Variants in LRP11 observed in about 807,000 individuals in gnomAD.
LRP11 encodes the protein LDL receptor related protein 11.
LRP11 carries 25 observed loss-of-function variants against 43.1 expected under a neutral mutation model. That is an observed-to-expected ratio of 0.58 (90% confidence interval 0.42 to 0.81). LRP11 has a LOEUF of 0.81. Ranked by LOEUF, LRP11 falls within the 30% of genes least tolerant of loss-of-function variation. The pLI, the probability that LRP11 is intolerant of heterozygous loss-of-function variation, is 0.00. For synonymous variants in LRP11, 316 were observed against 299.4 expected, an observed-to-expected ratio of 1.06 and a Z score of -0.57; for missense variants, 623 against 665.1, an observed-to-expected ratio of 0.94 and a Z score of 0.70.
intron 6 of LRP11, among the ~76,000 whole-genome samples, chr6:149,820,914 G>T (rs1776270040): frequency 6.7e-6 from 1 of 149,944 alleles, no homozygotes; most frequent in South Asian, 2.1e-4. Context: ...GTAGGTTCAG[G>T]TCCCAAACCT....
chr6:149,853,763 C>T (rs1425908803), intron 1 of LRP11, among the ~76,000 whole-genome samples: 1 of 152,170 alleles, frequency 6.6e-6, no homozygotes. Context: ...CCATCTGCCT[C>T]GGCCTCTCAA....
chr6:149,829,469 G>A (rs1022369205), intron 5 of LRP11, among the ~76,000 whole-genome samples: 12 of 152,068 alleles, frequency 7.9e-5, no homozygotes, highest in Non-Finnish European at 1.6e-4. Context: ...GCTGAGGCAG[G>A]TGAATCGCTT....
chr6:149,851,049 A>G (rs984955526), intron 2 of LRP11, among the ~76,000 whole-genome samples: 2 of 152,214 alleles, frequency 1.3e-5, no homozygotes, highest in African/African-American at 4.8e-5. Context: ...TCATGAATGT[A>G]TATCATTCTA....
At chr6:149,854,681 T>C (rs751487029) in intron 1 of LRP11, among the ~76,000 whole-genome samples, 34 of 152,228 alleles carry the variant, frequency 2.2e-4, no homozygotes, top group Non-Finnish European at 4.6e-4. Flanking sequence ...CACTTCCCCA[T>C]TCCTTCAGTG....
In LRP11 at chr6:149,843,283, G is replaced by C. The variant is rs533436613; in HGVS notation, c.772-159C>G. Among the ~76,000 whole-genome samples the C allele has an allele frequency of 2.6e-5, 4 of 152,310 alleles. No homozygotes were observed. The East Asian group carries it at 7.7e-4, about 29-fold the overall frequency. On this transcript the variant is annotated intron_variant, in intron 2 of 6. Transcript: ENST00000239367. The stretch of plus-strand genomic sequence containing the variant: ...ACTACATCACACACTGTTGGCAGCT[G>C]GCCCACCTTGAACTCATAAGTTCTA...
At chr6:149,820,928 CTT>C (rs11399122) in intron 6 of LRP11, among the ~76,000 whole-genome samples, 15 of 116,450 alleles carry the variant, frequency 1.3e-4, no homozygotes, top group Admixed American at 2.6e-4. Flanking sequence ...CAAACCTAGA[CTT>C]TTTTTTTTTT....
At chr6:149,863,362 G>A in intron 1 of LRP11, 46 bp downstream of exon 1, 7 of 1,308,676 alleles carry the variant, frequency 5.3e-6, no homozygotes, top group Non-Finnish European at 6.8e-6. Flanking sequence ...GGCGCTGCGG[G>A]TCTCGAGCGC....
chr6:149,853,314 C>A, intron 1 of LRP11, 154 bp from the exon 2 acceptor site: 1 of 674,150 alleles, frequency 1.5e-6, no homozygotes, highest in Non-Finnish European at 2.3e-6. Flanking sequence ...ATTTTATGAT[C>A]GTGGAATTTA....
intron 2 of LRP11, among the ~76,000 whole-genome samples, chr6:149,848,175 TA>T (rs763402708): frequency 7.3e-5 from 10 of 137,862 alleles, no homozygotes; most frequent in Non-Finnish European, 1.4e-4. Flanking sequence ...CCCATGTTAT[TA>T]AAAAGTAAAA....
intron 6 of LRP11, among the ~76,000 whole-genome samples, chr6:149,822,777 T>C (rs1776293169): frequency 6.6e-6 from 1 of 152,200 alleles, no homozygotes; most frequent in African/African-American, 2.4e-5. Context: ...ATCTACCTGG[T>C]CTGTAGGATT....
At position 149,819,307 on chromosome 6, in the gene LRP11, G is replaced by C. The variant is rs1485833979; in HGVS notation, c.*1242C>G. 1 of 151,744 alleles carries C rather than the reference G, an allele frequency of 6.6e-6. No individual in the cohort carries two copies. Among genetic ancestry groups the C allele is most frequent in the African/African-American group, 2.4e-5 (1 of 41,272 alleles). 9.4% of individuals were successfully genotyped at this position (151,744 alleles called of 1,614,324 possible). ...ATATTTTAAAATATTTGCCACTTATGGTTAAAAAAAACGTGAATAAGAATA... is the reference window on the plus strand; with the variant it reads ...ATATTTTAAAATATTTGCCACTTATCGTTAAAAAAAACGTGAATAAGAATA... On this transcript the variant is annotated 3_prime_UTR_variant, in exon 7 of 7. Coordinates refer to ENST00000239367, the MANE Select transcript of LRP11 (RefSeq NM_032832.6).
At position 149,819,681 on chromosome 6, in the gene LRP11, C is replaced by T. The variant is rs577476677; in HGVS notation, c.*868G>A. On this transcript the variant is annotated 3_prime_UTR_variant, in exon 7 of 7. Transcript: ENST00000239367. ...CGTCCTCTCTTCAATTGTCGTTTTT[C>T]ATCAACAAAGCCTATATATATATAT... 1 of 145,178 alleles carries T rather than the reference C, an allele frequency of 6.9e-6. No homozygotes were observed. Among genetic ancestry groups the T allele is most frequent in the East Asian group, 1.9e-4 (1 of 5,180 alleles). The allele number at this position is 145,178 out of a possible 1,614,324, so 9.0% of individuals were successfully genotyped here.
Position 149,864,224 on chromosome 6 carries a change from C to G in LRP11, c.-204G>C. 9.1e-7 allele frequency: 1 copy of G among 1,102,684 alleles called. No individual in the cohort carries two copies. The highest frequency in any genetic ancestry group is 1.1e-6 in the Non-Finnish European group (1 of 906,972). The allele number at this position is 1,102,684 out of a possible 1,614,324, so 68.3% of individuals were successfully genotyped here. On this transcript the variant is annotated 5_prime_UTR_variant, in exon 1 of 7. Coordinates refer to ENST00000239367, the MANE Select transcript of LRP11 (RefSeq NM_032832.6). ...GAACCGCAGTAGCGGGAGACATAGC[C>G]GGCCCAGCCGGGCACCGCTCCTTGC...
At chr6:149,852,914 G>C (rs1446715240) in intron 2 of LRP11, 89 bp downstream of exon 2, 2 of 1,193,656 alleles carry the variant, frequency 1.7e-6, no homozygotes, top group Admixed American at 2.7e-5. Context: ...CTAGCGTACA[G>C]ACATTTAGGG....
At chr6:149,847,493 AC>A (rs1776654463) in intron 2 of LRP11, among the ~76,000 whole-genome samples, 3 of 152,072 alleles carry the variant, frequency 2.0e-5, no homozygotes, top group Admixed American at 2.0e-4. Context: ...GGCCCAGGTG[AC>A]CCTTCTATAC....
At position 149,843,109 on chromosome 6, in the gene LRP11, T is replaced by C. The variant is rs1372745627; in HGVS notation, c.787A>G (p.Thr263Ala). The C allele has an allele frequency of 6.2e-7, 1 of 1,614,036 alleles. No individual in the cohort carries two copies. The highest frequency in any genetic ancestry group is 8.5e-7 in the Non-Finnish European group (1 of 1,179,990). ...TCCTGTAGGTGGGACAGCTTCAGGGTTCCTGATTGAGGCACCTGCCACACA... is the reference window on the plus strand; with the variant it reads ...TCCTGTAGGTGGGACAGCTTCAGGGCTCCTGATTGAGGCACCTGCCACACA... ...SVDMKVPQSG[T>A]LKLSHLQEGT... is the part of the protein sequence containing the mutation. The change falls in exon 3 of 7, where the codon ACC (threonine) becomes GCC (alanine). Residue 263 changes from threonine to alanine, a missense_variant. By Grantham distance (58) the Thr-to-Ala change is moderately conservative (BLOSUM62 0). Coordinates refer to ENST00000239367, the MANE Select transcript of LRP11 (RefSeq NM_032832.6).
chr6:149,855,415 C>A (rs984596441), intron 1 of LRP11, among the ~76,000 whole-genome samples: 7 of 152,182 alleles, frequency 4.6e-5, no homozygotes, highest in Non-Finnish European at 8.8e-5. Context: ...TAGGTGCACA[C>A]TCTCACACAG....
rs115379423 is a variant in LRP11, at chr6:149,844,376, T to C, written c.772-1252A>G. 3.8e-3 allele frequency among the ~76,000 whole-genome samples: 580 copies of C among 152,286 alleles called. 5 individuals are homozygous for C. Among genetic ancestry groups the C allele is most frequent in the African/African-American group, 0.013 (535 of 41,552 alleles). ...TTTCTATCCAAGTTCCCCCAGTCATTCATTGCAGAAGCCCTCCTGGGCTTC... is the reference window on the plus strand; with the variant it reads ...TTTCTATCCAAGTTCCCCCAGTCATCCATTGCAGAAGCCCTCCTGGGCTTC... On this transcript the variant is annotated intron_variant, in intron 2 of 6. Transcript: ENST00000239367.
rs1776984069 is a variant in LRP11, at chr6:149,863,816, C to G, written c.205G>C (p.Glu69Gln). ...LEEFRRQLQQ[E>Q]RPQEELELEL... The stretch of plus-strand genomic sequence containing the variant: ...AGCTCCAGCTCCTCCTGAGGCCGCT[C>G]CTGCTGCAGTTGCCGGCGGAACTCC... Residue 69 changes from glutamate to glutamine, a missense_variant, in exon 1 of 7, where the codon GAG becomes CAG. Coordinates refer to ENST00000239367, the MANE Select transcript of LRP11 (RefSeq NM_032832.6). 1 of 1,507,534 alleles carries G rather than the reference C, an allele frequency of 6.6e-7. No individual in the cohort carries two copies. The highest frequency in any genetic ancestry group is 1.2e-5 in the South Asian group (1 of 80,864). 93.4% of individuals were successfully genotyped at this position (1,507,534 alleles called of 1,614,324 possible). A position where few individuals can be genotyped will look rare whatever the true frequency, so the allele number is the denominator to read the frequency against.
Sources: allele counts gnomAD v4.1 joint callset (sites outside exome capture counted in the v4.1 genomes callset), GRCh38; gene constraint gnomAD v4.1.1; transcripts MANE v1.5; gene names NCBI Gene and HGNC (gene_info 2026-07-23, HGNC 2026-07-21).